Variants in PLEKHG7 observed in about 807,000 individuals in gnomAD.
PLEKHG7 encodes pleckstrin homology and RhoGEF domain containing G7.
In PLEKHG7, 77 loss-of-function variants were observed where a neutral mutation model predicts 85.2. The ratio of observed to expected loss-of-function variants is 0.90; its 90% CI spans 0.75 to 1.09. The LOEUF is 1.09. Ranked by LOEUF, PLEKHG7 falls within the 50% of genes least tolerant of loss-of-function variation. The pLI, the probability that PLEKHG7 is intolerant of heterozygous loss-of-function variation, is 0.00. For synonymous variants in PLEKHG7, 301 were observed against 302.4 expected (o/e 1.00, Z 0.05); for missense variants, 777 against 804.3 (o/e 0.97, Z 0.41).
At chr12:92,762,865 C>A (rs766398269) in intron 14 of PLEKHG7, among the ~76,000 whole-genome samples, 43 of 152,118 alleles carry the variant, frequency 2.8e-4, no homozygotes, top group Non-Finnish European at 5.3e-4. Context: ...AAAATAGATA[C>A]CCATTAATCA....
At chr12:92,758,257 TCTC>T (rs1370069198) in intron 13 of PLEKHG7, among the ~76,000 whole-genome samples, 1 of 152,176 alleles carries the variant, frequency 6.6e-6, no homozygotes, top group African/African-American at 2.4e-5. Context: ...TGCACCAGCT[TCTC>T]CTAACACATT....
intron 3 of PLEKHG7, 88 bp downstream of exon 3, chr12:92,707,760 T>C (rs773206283): frequency 4.4e-6 from 7 of 1,597,860 alleles, no homozygotes; most frequent in Non-Finnish European, 6.0e-6. Flanking sequence ...ATAACAAAGC[T>C]GACGGTGTGT....
intron 3 of PLEKHG7, among the ~76,000 whole-genome samples, chr12:92,709,599 G>C (rs1871330437): frequency 6.6e-6 from 1 of 152,212 alleles, no homozygotes; most frequent in South Asian, 2.1e-4. Context: ...TCTGGGTCCA[G>C]CTCTGATTAT....
At chr12:92,763,777 C>A (rs1392817836) in intron 14 of PLEKHG7, among the ~76,000 whole-genome samples, 1 of 152,014 alleles carries the variant, frequency 6.6e-6, no homozygotes, top group African/African-American at 2.4e-5. Context: ...TGAGATCGCA[C>A]CACTGTACTC....
chr12:92,723,805 G>A (rs1871714156), intron 3 of PLEKHG7, among the ~76,000 whole-genome samples: 2 of 152,018 alleles, frequency 1.3e-5, no homozygotes, highest in African/African-American at 4.8e-5. Flanking sequence ...TCCAAGAAGG[G>A]GTTGGGGAAG....
At chr12:92,757,759 C>T (rs1353052512) in intron 13 of PLEKHG7, among the ~76,000 whole-genome samples, 1 of 152,176 alleles carries the variant, frequency 6.6e-6, no homozygotes, top group Non-Finnish European at 1.5e-5. Flanking sequence ...AGCTGGCTTC[C>T]AGAATCAGAG....
chr12:92,722,066 A>T (rs973483587), intron 3 of PLEKHG7, among the ~76,000 whole-genome samples: 5 of 110,146 alleles, frequency 4.5e-5, no homozygotes, highest in Non-Finnish European at 9.3e-5. Context: ...CACATTTATT[A>T]AAAAAAAAAA....
intron 1 of PLEKHG7, among the ~76,000 whole-genome samples, chr12:92,705,057 A>G (rs1289910904): frequency 6.6e-6 from 1 of 152,260 alleles, no homozygotes; most frequent in Non-Finnish European, 1.5e-5. Flanking sequence ...TTGGACTTCT[A>G]TGACTGACAC....
chr12:92,721,702 CAA>C (rs71069170), intron 3 of PLEKHG7, among the ~76,000 whole-genome samples: 820 of 43,348 alleles, frequency 0.019, 13 homozygotes, highest in African/African-American at 0.049. Context: ...AGCATAAAAC[CAA>C]AAAAAAAAAA....
In PLEKHG7 at chr12:92,761,790, A is replaced by G. The variant is rs375747473; in HGVS notation, c.1675A>G (p.Asn559Asp). ...CCTAGATGTTTATCTGTTTCTCTTCAATGATTTCCTCTTAGTTACGAAAAC... is the reference window on the plus strand; with the variant it reads ...CCTAGATGTTTATCTGTTTCTCTTCGATGATTTCCTCTTAGTTACGAAAAC... Reference protein sequence around the residue: ...RFLDVYLFLFNDFLLVTKTKC... With the variant: ...RFLDVYLFLFDDFLLVTKTKC... Residue 559 changes from asparagine (N) to aspartate (D), a missense_variant, in exon 14 of 17, where the codon AAT (asparagine) becomes GAT (aspartate). Physicochemically the swap from Asn to Asp is conservative, Grantham distance 23 (BLOSUM62 1). Transcript: ENST00000344636. 46 of 1,578,434 alleles carry G rather than the reference A, an allele frequency of 2.9e-5. No individual in the cohort carries two copies. The highest frequency in any genetic ancestry group is 1.7e-4 in the Middle Eastern group (1 of 5,998).
rs139401275 is a variant in PLEKHG7, at chr12:92,715,384, A to G, written c.530+7712A>G. Reference sequence around the variant, plus strand: ...CTTTTGGCAACACCTTCACAGATACACCCAGGATCAATACTTTGCATCCTT... The same window carrying G: ...CTTTTGGCAACACCTTCACAGATACGCCCAGGATCAATACTTTGCATCCTT... On this transcript the variant is annotated intron_variant, in intron 3 of 16. Coordinates refer to ENST00000344636, the MANE Select transcript of PLEKHG7 (RefSeq NM_001377329.1). Among the ~76,000 whole-genome samples the G allele has an allele frequency of 2.7e-3, 417 of 152,190 alleles. 2 individuals carry two copies. The highest frequency in any genetic ancestry group is 9.5e-3 in the African/African-American group (395 of 41,520).
intron 5 of PLEKHG7, among the ~76,000 whole-genome samples, chr12:92,735,655 G>A (rs906505990): frequency 6.6e-6 from 1 of 152,056 alleles, no homozygotes; most frequent in African/African-American, 2.4e-5. Flanking sequence ...CTCTTTAAGT[G>A]GGCAATTCAT....
intron 4 of PLEKHG7, among the ~76,000 whole-genome samples, chr12:92,731,956 A>G (rs1434433429): frequency 6.6e-6 from 1 of 152,226 alleles, no homozygotes; most frequent in African/African-American, 2.4e-5. Flanking sequence ...TCAAGCAATG[A>G]GGAAAAAGAG....
At chr12:92,703,356 G>C (rs1738282623) in intron 1 of PLEKHG7, among the ~76,000 whole-genome samples, 1 of 152,166 alleles carries the variant, frequency 6.6e-6, no homozygotes, top group African/African-American at 2.4e-5. Context: ...AAAGGTTGGT[G>C]AATTTTCTTT....
intron 16 of PLEKHG7, among the ~76,000 whole-genome samples, chr12:92,769,332 C>T (rs573011002): frequency 5.9e-4 from 90 of 152,276 alleles, no homozygotes; most frequent in African/African-American, 2.1e-3. Flanking sequence ...ACAATTTCCT[C>T]ACGCTTGCAG....
At chr12:92,749,969 A>ATTT (rs1458816143) in intron 10 of PLEKHG7, among the ~76,000 whole-genome samples, 4 of 72,192 alleles carry the variant, frequency 5.5e-5, no homozygotes, top group South Asian at 4.7e-4. Flanking sequence ...ATTTTATTTT[A>ATTT]TATTTTATTT....
At chr12:92,731,213 G>A (rs1367316529) in intron 4 of PLEKHG7, among the ~76,000 whole-genome samples, 1 of 152,168 alleles carries the variant, frequency 6.6e-6, no homozygotes, top group East Asian at 1.9e-4. Flanking sequence ...TTACTGCCAG[G>A]CATGTGAAAT....
chr12:92,732,518 T>C (rs1297483563), intron 5 of PLEKHG7, among the ~76,000 whole-genome samples: 1 of 152,130 alleles, frequency 6.6e-6, no homozygotes, highest in African/African-American at 2.4e-5. Context: ...CACAAAGCAA[T>C]CCTAATATAG....
rs1200859132 is a variant in PLEKHG7, at chr12:92,769,126, T to C, written c.1968+46T>C. The C allele has an allele frequency of 5.8e-6, 8 of 1,370,962 alleles. No homozygotes were observed. The East Asian group carries it at 1.6e-4, about 28-fold the overall frequency. 84.9% of individuals were successfully genotyped at this position (1,370,962 alleles called of 1,614,324 possible). A position where few individuals can be genotyped will look rare whatever the true frequency, so the allele number is the denominator to read the frequency against. ...GGTCTTTGATTCTTCAGAGTTTACA[T>C]AAGCTCCCCCCAAGTGTCTTAAGTA... On this transcript the variant is annotated intron_variant, in intron 16 of 16. Coordinates refer to ENST00000344636, the MANE Select transcript of PLEKHG7 (RefSeq NM_001377329.1).
Sources: gnomAD v4.1 joint callset for allele counts (sites outside exome capture counted in the v4.1 genomes callset) on GRCh38, gnomAD v4.1.1 for gene constraint, MANE v1.5 for transcripts, NCBI Gene and HGNC (gene_info 2026-07-23, HGNC 2026-07-21) for gene names.